COG5: variants seen among roughly 807,000 people sequenced by gnomAD.
COG5 encodes the protein conserved oligomeric Golgi complex subunit 5.
In COG5, 86 loss-of-function variants were observed where a neutral mutation model predicts 110.4. The observed-to-expected ratio is 0.78, with a 90% CI of 0.65 to 0.93. The LOEUF (loss-of-function observed/expected upper bound fraction) is 0.93, where lower values mean the gene tolerates loss of function less well. Among genes scored for constraint, COG5 ranks in the 40% least tolerant of loss-of-function variants. The pLI, the probability that COG5 is intolerant of heterozygous loss-of-function variation, is 0.00. For missense variants in COG5, 1,077 were observed against 987.0 expected, an observed-to-expected ratio of 1.09 and a Z score of -1.22; for synonymous variants, 360 against 334.6, an observed-to-expected ratio of 1.08 and a Z score of -0.83.
rs540684507 is a variant in COG5, at chr7:107,448,081, G to A, written c.539-35449C>T. ...TGAGGCAGGAGAATCACTTGAACTCGGGAGGTGGAGGTTGCAGTGAGCCAA... is the reference window on the plus strand; with the variant it reads ...TGAGGCAGGAGAATCACTTGAACTCAGGAGGTGGAGGTTGCAGTGAGCCAA... On this transcript the variant is annotated intron_variant, in intron 6 of 21. Transcript: ENST00000297135. 3.3e-5 allele frequency among the ~76,000 whole-genome samples: 5 copies of A among 152,164 alleles called. No homozygotes were observed. In the South Asian group the frequency reaches 6.2e-4, roughly 19 times the overall value.
chr7:107,305,982 G>C (rs1376410690), intron 11 of COG5, among the ~76,000 whole-genome samples: 1 of 152,126 alleles, frequency 6.6e-6, no homozygotes, highest in African/African-American at 2.4e-5. Context: ...CCAGTAGACA[G>C]ATGTACTGAA....
chr7:107,382,489 G>A (rs1815207977), intron 7 of COG5, among the ~76,000 whole-genome samples: 1 of 152,150 alleles, frequency 6.6e-6, no homozygotes, highest in Non-Finnish European at 1.5e-5. Context: ...AGGCTGGAGT[G>A]CAATGGCACG....
intron 10 of COG5, among the ~76,000 whole-genome samples, chr7:107,339,965 C>G (rs1182614790): frequency 1.3e-5 from 2 of 151,202 alleles, no homozygotes; most frequent in South Asian, 4.2e-4. Context: ...CTAGAAAAAC[C>G]GAGAACAAAG....
At chr7:107,344,729 G>C (rs1811449679) in intron 10 of COG5, among the ~76,000 whole-genome samples, 2 of 152,098 alleles carry the variant, frequency 1.3e-5, no homozygotes, top group African/African-American at 4.8e-5. Context: ...TCTCCACGTT[G>C]GTCAGGCTGG....
At chr7:107,285,423 G>A (rs181860952) in intron 12 of COG5, among the ~76,000 whole-genome samples, 162 of 152,218 alleles carry the variant, frequency 1.1e-3, no homozygotes, top group South Asian at 0.01. Flanking sequence ...CAAATCTACC[G>A]TTAAAGATCC....
rs34100214 is a variant in COG5, at chr7:107,203,550, T to G, written c.2456A>C (p.Gln819Pro). The G allele has an allele frequency of 4.3e-5, 70 of 1,613,842 alleles. No individual in the cohort carries two copies. The highest frequency in any genetic ancestry group is 4.5e-5 in the East Asian group (2 of 44,880). Residue 819 changes from glutamine to proline, a missense_variant, in exon 22 of 22, where the codon CAG becomes CCG. Physicochemically the swap from Gln to Pro is moderately conservative, Grantham distance 76. Coordinates refer to ENST00000297135, the MANE Select transcript of COG5 (RefSeq NM_006348.5). ...AGCAGACATAGCCTTTTGAAGCAGC[T>G]GAACCATTATGGGATAAACTGGTGC... ...EFAPVYPIMV[Q>P]LLQKAMSALQ
At chr7:107,471,246 A>C (rs1231731285) in intron 6 of COG5, 1 of 152,132 alleles carries the variant, frequency 6.6e-6, no homozygotes, top group East Asian at 1.9e-4. Context: ...TGTGGCTCTA[A>C]TAATAACAGT....
At position 107,537,902 on chromosome 7, in the gene COG5, A is replaced by G. The variant is rs1230900516; in HGVS notation, c.417+10209T>C. On this transcript the variant is annotated intron_variant, in intron 5 of 21. Transcript: ENST00000297135. ...ACAATGAGATACTACTTCATACCCA[A>G]TAATGATACAGGAGATAGAAATTAT... 2.0e-5 allele frequency among the ~76,000 whole-genome samples: 3 copies of G among 152,194 alleles called. No individual in the cohort carries two copies. The East Asian group carries it at 5.8e-4, about 29-fold the overall frequency.
At chr7:107,357,423 A>C (rs1447126251) in intron 10 of COG5, among the ~76,000 whole-genome samples, 1 of 152,188 alleles carries the variant, frequency 6.6e-6, no homozygotes, top group Non-Finnish European at 1.5e-5. Flanking sequence ...TTGCCCTTAA[A>C]AAAATTTCAA....
intron 11 of COG5, among the ~76,000 whole-genome samples, chr7:107,316,749 G>A (rs981367294): frequency 5.5e-5 from 8 of 145,860 alleles, no homozygotes; most frequent in Non-Finnish European, 1.2e-4. Flanking sequence ...GGAGAATGGC[G>A]TGAACCCAGG....
At chr7:107,214,142 C>G (rs1799355899) in intron 19 of COG5, among the ~76,000 whole-genome samples, 1 of 152,008 alleles carries the variant, frequency 6.6e-6, no homozygotes, top group African/African-American at 2.4e-5. Context: ...AATTAAATAG[C>G]AAGTTTTAAC....
chr7:107,213,683 A>G lies in COG5; in HGVS notation c.2169-2458T>C, dbSNP rs73187324. On this transcript the variant is annotated intron_variant, in intron 19 of 21. Coordinates refer to ENST00000297135, the MANE Select transcript of COG5 (RefSeq NM_006348.5). ...AGCAAAGGCAGAGACCCAGCCAACT[A>G]GAGAAACTGACAGCAAGCTCTGCCT... is the stretch of plus-strand genomic sequence containing the variant. Among the ~76,000 whole-genome samples the G allele has an allele frequency of 2.0e-3, 308 of 152,342 alleles. 2 individuals are homozygous for G. The highest frequency in any genetic ancestry group is 7.0e-3 in the African/African-American group (289 of 41,568).
At chr7:107,367,995 G>C (rs546489653) in intron 8 of COG5, among the ~76,000 whole-genome samples, 8 of 151,952 alleles carry the variant, frequency 5.3e-5, no homozygotes, top group South Asian at 2.1e-4. Flanking sequence ...TTTAAAAATA[G>C]AATAAAATGT....
At chr7:107,226,997 T>C (rs1192332024) in intron 19 of COG5, among the ~76,000 whole-genome samples, 5 of 152,194 alleles carry the variant, frequency 3.3e-5, no homozygotes, top group Non-Finnish European at 5.9e-5. Flanking sequence ...AGACGTCATC[T>C]GCAGGAGGAA....
chr7:107,295,520 G>C (rs6943016), intron 12 of COG5, among the ~76,000 whole-genome samples: 2,854 of 152,150 alleles, frequency 0.019, 87 homozygotes, highest in African/African-American at 0.064. Context: ...TCTAGGGCCT[G>C]ATTCCATTCA....
chr7:107,509,037 G>C (rs887974822), intron 6 of COG5, among the ~76,000 whole-genome samples: 2 of 152,206 alleles, frequency 1.3e-5, no homozygotes, highest in African/African-American at 2.4e-5. Context: ...ATGGAACAAA[G>C]CTGGAAGGAG....
At chr7:107,483,508 C>G (rs1163669929) in intron 6 of COG5, among the ~76,000 whole-genome samples, 1 of 151,986 alleles carries the variant, frequency 6.6e-6, no homozygotes, top group Admixed American at 6.6e-5. Flanking sequence ...GAGTTCGAGA[C>G]CAGCCTGACC....
At chr7:107,348,637 T>C (rs1201025281) in intron 10 of COG5, among the ~76,000 whole-genome samples, 1 of 152,280 alleles carries the variant, frequency 6.6e-6, no homozygotes, top group African/African-American at 2.4e-5. Context: ...ACAGAAAATA[T>C]GCAGGAATAG....
At chr7:107,310,769 T>C (rs1316507627) in intron 11 of COG5, among the ~76,000 whole-genome samples, 1 of 152,180 alleles carries the variant, frequency 6.6e-6, no homozygotes, top group Non-Finnish European at 1.5e-5. Flanking sequence ...GGCAAGGGCA[T>C]GCACCCAGTA....
Sources: gnomAD v4.1 joint callset for allele counts (sites outside exome capture counted in the v4.1 genomes callset) on GRCh38, gnomAD v4.1.1 for gene constraint, MANE v1.5 for transcripts, NCBI Gene and HGNC (gene_info 2026-07-23, HGNC 2026-07-21) for gene names.